PTPRG: variants seen among roughly 807,000 people sequenced by gnomAD.
The protein encoded by PTPRG is protein tyrosine phosphatase receptor type G, also known as receptor-type tyrosine-protein phosphatase gamma.
A neutral mutation model predicts 165.3 loss-of-function variants in PTPRG; 102 were observed. The ratio of observed to expected loss-of-function variants is 0.62; its 90% confidence interval spans 0.53 to 0.73. The LOEUF is 0.73. Ranked by LOEUF, PTPRG falls within the 30% of genes least tolerant of loss-of-function variation. The pLI is 0.00. For synonymous variants in PTPRG, 675 were observed against 669.5 expected, an observed-to-expected ratio of 1.01 and a Z score of -0.13; for missense variants, 1,866 against 1,861.4, an observed-to-expected ratio of 1.00 and a Z score of -0.05.
intron 6 of PTPRG, among the ~76,000 whole-genome samples, chr3:62,152,923 A>G (rs982939371): frequency 2.0e-5 from 3 of 152,252 alleles, no homozygotes; most frequent in East Asian, 3.8e-4. Context: ...CTATTTTTGT[A>G]TGGCCCCTGG....
chr3:62,088,276 T>C (rs1303128436), intron 5 of PTPRG, among the ~76,000 whole-genome samples: 1 of 152,160 alleles, frequency 6.6e-6, no homozygotes, highest in Non-Finnish European at 1.5e-5. Flanking sequence ...GCCCAAAATG[T>C]CTGTGCTGGC....
At chr3:62,144,174 C>A (rs1205677747) in intron 6 of PTPRG, among the ~76,000 whole-genome samples, 2 of 152,230 alleles carry the variant, frequency 1.3e-5, no homozygotes, top group Non-Finnish European at 2.9e-5. Context: ...TGTGTTTAAT[C>A]TCTGGCCCTT....
chr3:62,074,700 A>G (rs1327053459), intron 4 of PTPRG, among the ~76,000 whole-genome samples: 1 of 152,140 alleles, frequency 6.6e-6, no homozygotes, highest in African/African-American at 2.4e-5. Flanking sequence ...ATTGCTGTAG[A>G]GTGAGCATCA....
intron 2 of PTPRG, among the ~76,000 whole-genome samples, chr3:61,898,124 T>A (rs1234864236): frequency 6.6e-6 from 1 of 152,238 alleles, no homozygotes; most frequent in Admixed American, 6.5e-5. Flanking sequence ...CCTTGCCTTG[T>A]TCCCAATCTT....
At chr3:61,579,426 A>G (rs1454445587) in intron 1 of PTPRG, among the ~76,000 whole-genome samples, 3 of 152,212 alleles carry the variant, frequency 2.0e-5, no homozygotes, top group Admixed American at 1.3e-4. Flanking sequence ...GTTTTTTACA[A>G]TGTGGCTAAC....
At chr3:62,114,749 A>G (rs756567989) in intron 5 of PTPRG, among the ~76,000 whole-genome samples, 7 of 152,122 alleles carry the variant, frequency 4.6e-5, no homozygotes, top group Non-Finnish European at 1.0e-4. Context: ...AGCTGAGACA[A>G]TCCTTCCATC....
rs186877574 is a variant in PTPRG at position 61,596,662 on chromosome 3, T to G, written c.85+34290T>G. Reference sequence around the variant, plus strand: ...AGTCACTGTGAGTTGGTGGGAGAAGTGAGTTTGAACCCAGGTCTCCTCTTT... The same window carrying G: ...AGTCACTGTGAGTTGGTGGGAGAAGGGAGTTTGAACCCAGGTCTCCTCTTT... On this transcript the variant is annotated intron_variant, in intron 1 of 29. Coordinates refer to ENST00000474889, the MANE Select transcript of PTPRG (RefSeq NM_002841.4). Among the ~76,000 whole-genome samples the G allele has an allele frequency of 2.4e-3, 358 of 152,300 alleles. 5 individuals are homozygous for G. Among genetic ancestry groups the G allele is most frequent in the Admixed American group, 0.019 (296 of 15,288 alleles).
chr3:61,809,810 T>C (rs577485732), intron 2 of PTPRG, among the ~76,000 whole-genome samples: 13 of 152,348 alleles, frequency 8.5e-5, no homozygotes, highest in South Asian at 4.1e-4. Flanking sequence ...CACTTGACAG[T>C]TGAGAGCCAC....
intron 2 of PTPRG, among the ~76,000 whole-genome samples, chr3:61,804,693 A>AT (rs564636088): frequency 6.0e-5 from 9 of 148,964 alleles, no homozygotes; most frequent in Admixed American, 1.3e-4. Context: ...AAAAAAAAAA[A>AT]AATAAAATCT....
At chr3:61,833,067 TTGTGTGTG>T (rs113069211) in intron 2 of PTPRG, among the ~76,000 whole-genome samples, 204 of 146,894 alleles carry the variant, frequency 1.4e-3, no homozygotes, top group Non-Finnish European at 2.0e-3. Flanking sequence ...TAGTATTCCA[TTGTGTGTG>T]TGTGTGTGTG....
intron 23 of PTPRG, among the ~76,000 whole-genome samples, chr3:62,274,337 A>T (rs1324273294): frequency 6.6e-6 from 1 of 152,264 alleles, no homozygotes; most frequent in South Asian, 2.1e-4. Flanking sequence ...TTTTTCTTTG[A>T]TAGGGACATG....
intron 2 of PTPRG, among the ~76,000 whole-genome samples, chr3:61,804,639 T>C (rs538393306): frequency 1.1e-4 from 17 of 151,620 alleles, no homozygotes; most frequent in Non-Finnish European, 1.9e-4. Flanking sequence ...TTATTTTTAC[T>C]GTAGGATTTA....
chr3:61,963,855 A>C (rs1292877820), intron 2 of PTPRG, among the ~76,000 whole-genome samples: 2 of 152,104 alleles, frequency 1.3e-5, no homozygotes, highest in East Asian at 3.9e-4. Context: ...CTTGTTGAAA[A>C]TATGTGCAAT....
chr3:62,003,518 C>T lies in PTPRG; in HGVS notation c.519+21C>T, dbSNP rs150122281. 2.0e-3 allele frequency: 3,290 copies of T among 1,612,512 alleles called. 48 individuals are homozygous for T. In the East Asian group the frequency reaches 0.046, roughly 23 times the overall value. ...TTGAGGTGAGAGAAAGTCAAGATCTCAACGTGTAGCTGTGCTTCGGTCTTT... is the reference window on the plus strand; with the variant it reads ...TTGAGGTGAGAGAAAGTCAAGATCTTAACGTGTAGCTGTGCTTCGGTCTTT... On this transcript the variant is annotated intron_variant, in intron 4 of 29. Transcript: ENST00000474889.
chr3:62,116,095 C>T (rs1702857294), intron 5 of PTPRG, among the ~76,000 whole-genome samples: 1 of 152,114 alleles, frequency 6.6e-6, no homozygotes, highest in South Asian at 2.1e-4. Context: ...AATTGAGTCT[C>T]AAGGAGGTTA....
At chr3:61,675,259 A>G (rs939325411) in intron 1 of PTPRG, among the ~76,000 whole-genome samples, 3 of 152,108 alleles carry the variant, frequency 2.0e-5, no homozygotes, top group Admixed American at 6.5e-5. Context: ...TTTCCGGAGG[A>G]TGGAGGATGT....
At chr3:62,084,458 T>G (rs1471053333) in intron 5 of PTPRG, among the ~76,000 whole-genome samples, 1 of 152,174 alleles carries the variant, frequency 6.6e-6, no homozygotes, top group Non-Finnish European at 1.5e-5. Context: ...CCCTTTTCAT[T>G]TCTGCCCTTC....
chr3:61,578,929 G>T (rs775218684), intron 1 of PTPRG, among the ~76,000 whole-genome samples: 2 of 152,196 alleles, frequency 1.3e-5, no homozygotes, highest in African/African-American at 2.4e-5. Context: ...GGTTTCAGTG[G>T]TAAGTTCTTT....
At chr3:61,848,027 C>CT (rs1186874395) in intron 2 of PTPRG, among the ~76,000 whole-genome samples, 5 of 152,204 alleles carry the variant, frequency 3.3e-5, no homozygotes, top group Admixed American at 3.3e-4. Context: ...GCTGTAAATA[C>CT]TTATGCAGAT....
Sources: allele counts gnomAD v4.1 joint callset (sites outside exome capture counted in the v4.1 genomes callset), GRCh38; gene constraint gnomAD v4.1.1; transcripts MANE v1.5; gene names NCBI Gene and HGNC (gene_info 2026-07-23, HGNC 2026-07-21).